The following SRGAP1 variants were observed in gnomAD, a reference collection of about 807,000 sequenced individuals.
SRGAP1 encodes SLIT-ROBO Rho GTPase activating protein 1.
SRGAP1 carries 43 observed loss-of-function variants against 121.9 expected under a neutral mutation model. That is an observed-to-expected ratio of 0.35 (90% CI 0.28 to 0.46). The LOEUF (loss-of-function observed/expected upper bound fraction) is 0.46, where lower values mean the gene tolerates loss of function less well. Ranked by LOEUF, SRGAP1 falls within the 20% of genes least tolerant of loss-of-function variation. The pLI is 1.00. For missense variants in SRGAP1, 1,102 were observed against 1,350.9 expected (o/e 0.82, Z 2.89); for synonymous variants, 447 against 485.4 (o/e 0.92, Z 1.04).
intron 1 of SRGAP1, chr12:63,879,490 T>C (rs1900126360): frequency 1.3e-5 from 2 of 152,174 alleles, no homozygotes; most frequent in Admixed American, 1.3e-4. Context: ...AAGAAAAACA[T>C]ACAAAACACA....
At chr12:64,072,394 G>A (rs534119009) in intron 8 of SRGAP1, among the ~76,000 whole-genome samples, 3 of 152,160 alleles carry the variant, frequency 2.0e-5, no homozygotes, top group Admixed American at 6.5e-5. Flanking sequence ...TATGATTTGT[G>A]TCCGCCCTGA....
chr12:63,996,616 G>A (rs2136427481), intron 3 of SRGAP1, among the ~76,000 whole-genome samples: 1 of 152,134 alleles, frequency 6.6e-6, no homozygotes, highest in East Asian at 1.9e-4. Context: ...GCTTTTATTA[G>A]CAGTAAGCTA....
chr12:64,109,204 A>G (rs1341614704), intron 16 of SRGAP1, 167 bp downstream of exon 16: 1 of 402,306 alleles, frequency 2.5e-6, no homozygotes, highest in Admixed American at 4.4e-5. Context: ...GCAGATCAAC[A>G]TCATTGATAG....
At chr12:63,932,761 T>C (rs1021664228) in intron 1 of SRGAP1, among the ~76,000 whole-genome samples, 3 of 152,184 alleles carry the variant, frequency 2.0e-5, no homozygotes, top group African/African-American at 7.2e-5. Context: ...CTCTGTTGAG[T>C]ATACAAGAGA....
chr12:63,917,336 T>G (rs2030829509), intron 1 of SRGAP1, among the ~76,000 whole-genome samples: 2 of 152,254 alleles, frequency 1.3e-5, no homozygotes, highest in African/African-American at 4.8e-5. Context: ...TGGAAAAGAC[T>G]CCCAGAAAGA....
chr12:64,056,287 T>G (rs574139388), intron 6 of SRGAP1, among the ~76,000 whole-genome samples: 4 of 152,060 alleles, frequency 2.6e-5, no homozygotes, highest in Non-Finnish European at 4.4e-5. Context: ...AAGCTTACAC[T>G]CATATGTTCC....
At chr12:64,072,293 A>C (rs1352255509) in intron 8 of SRGAP1, among the ~76,000 whole-genome samples, 1 of 152,122 alleles carries the variant, frequency 6.6e-6, no homozygotes, top group Non-Finnish European at 1.5e-5. Context: ...TCACCTTCAC[A>C]GATGAGTGAT....
chr12:64,045,019 C>T (rs200751260), intron 6 of SRGAP1, among the ~76,000 whole-genome samples: 5 of 151,908 alleles, frequency 3.3e-5, no homozygotes, highest in African/African-American at 4.8e-5. Context: ...TTTTTCTTTT[C>T]GTCTCAAAAC....
At chr12:64,033,542 AC>A (rs2034829828) in intron 4 of SRGAP1, among the ~76,000 whole-genome samples, 1 of 151,802 alleles carries the variant, frequency 6.6e-6, no homozygotes, top group Admixed American at 6.6e-5. Context: ...ACATGGTGAA[AC>A]CCCATCTCTA....
At chr12:63,866,755 T>C (rs1225821259) in intron 1 of SRGAP1, among the ~76,000 whole-genome samples, 3 of 151,488 alleles carry the variant, frequency 2.0e-5, no homozygotes, top group African/African-American at 7.3e-5. Context: ...TGCTCAACAA[T>C]GTGTCATCTA....
chr12:63,962,636 C>T (rs911546495), intron 1 of SRGAP1, among the ~76,000 whole-genome samples: 3 of 152,128 alleles, frequency 2.0e-5, no homozygotes, highest in South Asian at 2.1e-4. Flanking sequence ...TCAAACTCCT[C>T]ACCTCAGGTG....
rs751133756 is a variant in SRGAP1 at position 64,127,580 on chromosome 12, A to G, written c.2406-10A>G. 1 of 1,599,834 alleles carries G rather than the reference A, an allele frequency of 6.3e-7. No homozygotes were observed. Among genetic ancestry groups the G allele is most frequent in the Admixed American group, 1.7e-5 (1 of 57,296 alleles). On this transcript the variant is annotated splice_polypyrimidine_tract_variant and intron_variant, in intron 19 of 21. Coordinates refer to ENST00000355086, the MANE Select transcript of SRGAP1 (RefSeq NM_020762.4). ...AGTAAATTTTGTCTCCATTCCTCTT[A>G]CTGCTTCAGGGATGATACGTTTTCA...
chr12:64,017,855 G>A lies in SRGAP1; in HGVS notation c.489+843G>A, dbSNP rs117031224. On this transcript the variant is annotated intron_variant, in intron 4 of 21. Coordinates refer to ENST00000355086, the MANE Select transcript of SRGAP1 (RefSeq NM_020762.4). ...ATTATTTAGGGTACTTCATGTAATC[G>A]TTAAAAATTAAATAAATTAAAACTA... is the stretch of plus-strand genomic sequence containing the variant. Among the ~76,000 whole-genome samples, 665 of 151,600 alleles carry A rather than the reference G, an allele frequency of 4.4e-3. 1 individual carries two copies. The highest frequency in any genetic ancestry group is 7.1e-3 in the South Asian group (34 of 4,802).
chr12:64,081,377 A>C (rs2035835818), intron 10 of SRGAP1: 1 of 152,082 alleles, frequency 6.6e-6, no homozygotes, highest in South Asian at 2.1e-4. Context: ...CAAAGAACTC[A>C]TCATCCTCAG....
chr12:63,958,117 C>A (rs143663803), intron 1 of SRGAP1, among the ~76,000 whole-genome samples: 1 of 152,258 alleles, frequency 6.6e-6, no homozygotes, highest in African/African-American at 2.4e-5. Flanking sequence ...GATGAGGGGA[C>A]TGAGTTTTTC....
At chr12:63,964,406 G>A (rs1026765180) in intron 1 of SRGAP1, among the ~76,000 whole-genome samples, 6 of 152,104 alleles carry the variant, frequency 3.9e-5, no homozygotes, top group Non-Finnish European at 7.3e-5. Context: ...ACAGTGTTGG[G>A]AGTCCACAAG....
chr12:64,091,318 C>A lies in SRGAP1; in HGVS notation c.1479C>A (p.Ser493=), dbSNP rs780224586. 1 of 1,610,618 alleles carries A rather than the reference C, an allele frequency of 6.2e-7. No individual in the cohort carries two copies. Among genetic ancestry groups the A allele is most frequent in the South Asian group, 1.1e-5 (1 of 90,306 alleles). ...CTAAGCCCCAGAAACACAGGAAGTC[C>A]AGGCCCCGCTCACAGTATAATACTA... The part of the protein sequence containing the change: ...VPPKPQKHRK[S]RPRSQYNTKL... The change falls in exon 12 of 22, where the codon TCC becomes TCA. Residue 493 remains serine (S), a synonymous_variant. Transcript: ENST00000355086.
At chr12:63,929,793 A>G (rs998182160) in intron 1 of SRGAP1, among the ~76,000 whole-genome samples, 1 of 152,166 alleles carries the variant, frequency 6.6e-6, no homozygotes, top group African/African-American at 2.4e-5. Context: ...GTAGTTAGCT[A>G]AACTATAATT....
At chr12:63,912,622 GAA>G (rs111982523) in intron 1 of SRGAP1, among the ~76,000 whole-genome samples, 4 of 149,006 alleles carry the variant, frequency 2.7e-5, no homozygotes, top group Non-Finnish European at 4.5e-5. Context: ...TTAAAAGAAA[GAA>G]AAAAAAAATC....
Sources: gnomAD v4.1 joint callset for allele counts (sites outside exome capture counted in the v4.1 genomes callset) on GRCh38, gnomAD v4.1.1 for gene constraint, MANE v1.5 for transcripts, NCBI Gene and HGNC (gene_info 2026-07-23, HGNC 2026-07-21) for gene names.